NFKBIZ: variants seen among roughly 807,000 people sequenced by gnomAD.
NFKBIZ encodes NF-kappa-B inhibitor zeta.
In NFKBIZ, 19 loss-of-function variants were observed where a neutral mutation model predicts 76.8. That is an observed-to-expected ratio of 0.25 (90% CI 0.17 to 0.36). The LOEUF (loss-of-function observed/expected upper bound fraction) is 0.36, where lower values mean the gene tolerates loss of function less well. Among genes scored for constraint, NFKBIZ ranks in the 10% least tolerant of loss-of-function variants. NFKBIZ has a pLI of 1.00. For synonymous variants in NFKBIZ, 368 were observed against 354.8 expected, an observed-to-expected ratio of 1.04 and a Z score of -0.42; for missense variants, 829 against 910.9, an observed-to-expected ratio of 0.91 and a Z score of 1.16.
chr3:101,848,116 G>A (rs538744396), upstream of NFKBIZ, among the ~76,000 whole-genome samples: 27 of 152,214 alleles, frequency 1.8e-4, no homozygotes, highest in Non-Finnish European at 3.2e-4. Flanking sequence ...GGCTACTGCA[G>A]TGGATCCTAA....
chr3:101,854,347 G>A (rs1286565537), intron 5 of NFKBIZ, among the ~76,000 whole-genome samples: 1 of 152,128 alleles, frequency 6.6e-6, no homozygotes, highest in Non-Finnish European at 1.5e-5. Flanking sequence ...AAGTTGATCA[G>A]TATGGTGCTT....
upstream of NFKBIZ, among the ~76,000 whole-genome samples, chr3:101,847,002 AG>A (rs1269529844): frequency 6.6e-6 from 1 of 152,246 alleles, no homozygotes; most frequent in Admixed American, 6.5e-5. Flanking sequence ...CTGATGTCTA[AG>A]GGTAGGAAAG....
intron 2 of NFKBIZ, among the ~76,000 whole-genome samples, chr3:101,838,309 A>G (rs1447643209): frequency 2.0e-5 from 3 of 152,220 alleles, no homozygotes; most frequent in East Asian, 1.9e-4. Context: ...ATCTCAATTT[A>G]TAGGCAAGTA....
chr3:101,849,509 C>G, upstream of NFKBIZ: 2 of 863,870 alleles, frequency 2.3e-6, no homozygotes, highest in Non-Finnish European at 3.1e-6. Flanking sequence ...TCCCGCGCCG[C>G]GCCCGTACTG....
At chr3:101,837,739 A>G (rs1303175292) in intron 2 of NFKBIZ, among the ~76,000 whole-genome samples, 1 of 152,176 alleles carries the variant, frequency 6.6e-6, no homozygotes, top group Non-Finnish European at 1.5e-5. Context: ...CTTGTTTACT[A>G]GAATTTTATG....
intron 1 of NFKBIZ, 132 bp downstream of exon 1, chr3:101,850,049 T>A: frequency 1.1e-6 from 1 of 899,752 alleles, no homozygotes; most frequent in Non-Finnish European, 1.5e-6. Flanking sequence ...AGCCATCAAT[T>A]ACCACTCCCC....
chr3:101,858,508 A>C, intron 11 of NFKBIZ: 2 of 884,922 alleles, frequency 2.3e-6, no homozygotes, highest in Non-Finnish European at 2.7e-6. Flanking sequence ...CTATGCTCTC[A>C]GGGATCATTG....
In NFKBIZ at chr3:101,849,926, C is replaced by T. The variant is rs997201642; in HGVS notation, c.289+9C>T. The T allele has an allele frequency of 7.8e-6, 11 of 1,403,676 alleles. No individual in the cohort carries two copies. The highest frequency in any genetic ancestry group is 3.4e-5 in the Admixed American group (1 of 29,688). The allele number at this position is 1,403,676 out of a possible 1,614,324, so 87.0% of individuals were successfully genotyped here. ...CGCCGAGCGCCAGCCAGGTACCCGC[C>T]GGCCCCGCACCGCTGCGTACTCGGG... is the stretch of plus-strand genomic sequence containing the variant. On this transcript the variant is annotated intron_variant, in intron 1 of 11. Coordinates refer to ENST00000326172, the MANE Select transcript of NFKBIZ (RefSeq NM_031419.4).
chr3:101,852,903 T>C lies in NFKBIZ; in HGVS notation c.478T>C (p.Ser160Pro). 1.2e-6 allele frequency: 2 copies of C among 1,614,118 alleles called. No homozygotes were observed. The highest frequency in any genetic ancestry group is 1.7e-6 in the Non-Finnish European group (2 of 1,179,974). ...GGGTACAGAATTGAAGAACACAGTA[T>C]CATACAGTGGGAAAAGGAAAGGGCC... ...EQFRELKNTV[S>P]YSGKRKGPDS... The change falls in exon 4 of 12, where the codon TCA (serine) becomes CCA (proline). Residue 160 changes from serine (S) to proline (P), a missense_variant. Coordinates refer to ENST00000326172, the MANE Select transcript of NFKBIZ (RefSeq NM_031419.4).
chr3:101,841,342 A>G (rs1370551884), intron 2 of NFKBIZ, among the ~76,000 whole-genome samples: 2 of 152,236 alleles, frequency 1.3e-5, no homozygotes, highest in African/African-American at 2.4e-5. Flanking sequence ...TGGGAAGTAT[A>G]TAAGTGCCAG....
At chr3:101,830,975 T>G (rs1477170849) in intron 2 of NFKBIZ, among the ~76,000 whole-genome samples, 1 of 152,234 alleles carries the variant, frequency 6.6e-6, no homozygotes, top group Non-Finnish European at 1.5e-5. Context: ...AACCTCCAGA[T>G]ATTTGGAGAC....
chr3:101,846,420 A>G (rs930511480), upstream of NFKBIZ, among the ~76,000 whole-genome samples: 1 of 152,232 alleles, frequency 6.6e-6, no homozygotes, highest in Non-Finnish European at 1.5e-5. Flanking sequence ...TTTGATGTGT[A>G]TGGGAGGGCT....
intron 9 of NFKBIZ, 80 bp downstream of exon 9, chr3:101,855,982 T>C: frequency 1.6e-6 from 2 of 1,283,884 alleles, no homozygotes; most frequent in East Asian, 4.9e-5. Context: ...CAAGTACAGA[T>C]TCAAACTTCT....
intron 2 of NFKBIZ, among the ~76,000 whole-genome samples, chr3:101,841,087 T>G (rs1942779772): frequency 6.6e-6 from 1 of 152,236 alleles, no homozygotes; most frequent in Non-Finnish European, 1.5e-5. Flanking sequence ...CTTTTGCTAA[T>G]TCATCTGTAT....
Position 101,853,454 on chromosome 3 carries a change from T to A in NFKBIZ, c.928T>A (p.Tyr310Asn). Residue 310 changes from tyrosine (Y) to asparagine (N), a missense_variant, in exon 5 of 12, where the codon TAC becomes AAC. Coordinates refer to ENST00000326172, the MANE Select transcript of NFKBIZ (RefSeq NM_031419.4). ...PHYTHKPTLE[Y>N]SPFPIPPQSP... Reference sequence around the variant, plus strand: ...CTACACCCACAAACCAACTCTGGAATACAGTCCTTTTCCCATACCTCCCCA... The same window carrying A: ...CTACACCCACAAACCAACTCTGGAAAACAGTCCTTTTCCCATACCTCCCCA... The A allele has an allele frequency of 6.2e-7, 1 of 1,614,196 alleles. No individual in the cohort carries two copies. The highest frequency in any genetic ancestry group is 8.5e-7 in the Non-Finnish European group (1 of 1,180,038).
At chr3:101,838,389 A>G (rs370151874) in intron 2 of NFKBIZ, among the ~76,000 whole-genome samples, 8 of 152,228 alleles carry the variant, frequency 5.3e-5, no homozygotes, top group African/African-American at 1.4e-4. Flanking sequence ...ATAGGTATGC[A>G]GGCTTCAAAG....
chr3:101,836,346 G>C (rs1942720084), intron 2 of NFKBIZ, among the ~76,000 whole-genome samples: 1 of 152,168 alleles, frequency 6.6e-6, no homozygotes, highest in Non-Finnish European at 1.5e-5. Flanking sequence ...AGGATAGTAG[G>C]GAGGCTCTCC....
intron 3 of NFKBIZ, 45 bp downstream of exon 3, chr3:101,852,813 A>G (rs369232320): frequency 5.0e-6 from 8 of 1,605,482 alleles, no homozygotes; most frequent in Non-Finnish European, 6.8e-6. Context: ...CTTTGGAGTA[A>G]ATAATAGAGT....
At chr3:101,858,451 C>G (rs1943084108) in intron 11 of NFKBIZ, 2 of 984,992 alleles carry the variant, frequency 2.0e-6, no homozygotes, top group Non-Finnish European at 2.4e-6. Context: ...GAGTCCTAAG[C>G]CCAGTATTTG....
Sources: allele counts gnomAD v4.1 joint callset (sites outside exome capture counted in the v4.1 genomes callset), GRCh38; gene constraint gnomAD v4.1.1; transcripts MANE v1.5; gene names NCBI Gene and HGNC (gene_info 2026-07-23, HGNC 2026-07-21).